CACNA1G: variants seen among roughly 807,000 people sequenced by gnomAD.
CACNA1G encodes calcium voltage-gated channel subunit alpha1 G, also known as voltage-dependent T-type calcium channel subunit alpha-1G.
In CACNA1G, 67 loss-of-function variants were observed where a neutral mutation model predicts 219.4. That is an observed-to-expected ratio of 0.31 (90% confidence interval 0.25 to 0.37). The LOEUF (loss-of-function observed/expected upper bound fraction) is 0.37. Among genes scored for constraint, CACNA1G ranks in the 10% least tolerant of loss-of-function variants. The pLI is 1.00. For missense variants in CACNA1G, 2,380 were observed against 3,231.4 expected (o/e 0.74, Z 6.39); for synonymous variants, 1,296 against 1,345.3 (o/e 0.96, Z 0.80).
chr17:50,572,092 C>G lies in CACNA1G; in HGVS notation c.746+55C>G, dbSNP rs572703011. 1.0e-5 allele frequency: 16 copies of G among 1,538,672 alleles called. No individual in the cohort carries two copies. The African/African-American group carries it at 1.6e-4, about 16-fold the overall frequency. On this transcript the variant is annotated intron_variant, in intron 5 of 37. Coordinates refer to ENST00000359106, the MANE Select transcript of CACNA1G (RefSeq NM_018896.5). ...CTGGGAGTGGTTATGGGGCTGGGCA[C>G]CCCCCCAAGTTCCTCACTTCCGGTT...
At chr17:50,565,038 G>T (rs1162722962) in intron 1 of CACNA1G, among the ~76,000 whole-genome samples, 1 of 104,402 alleles carries the variant, frequency 9.6e-6, no homozygotes, top group African/African-American at 4.0e-5. Context: ...CCCCACCCTC[G>T]CCTGCTCCCG....
rs755048222 is a variant in CACNA1G, at chr17:50,599,433, C to T, written c.3264C>T (p.Ser1088=). The change falls in exon 17 of 38, where the codon AGC becomes AGT. Residue 1088 remains serine, a synonymous_variant. Coordinates refer to ENST00000359106, the MANE Select transcript of CACNA1G (RefSeq NM_018896.5). The part of the protein sequence containing the change: ...GAAHEMKSPP[S]ARSSPHSPWS... ...CCTCCCCTGCTCACCCACAGCCCAG[C>T]GCCCGCAGCTCTCCGCACAGCCCCT... The T allele has an allele frequency of 2.3e-5, 35 of 1,543,186 alleles. No homozygotes were observed. Among genetic ancestry groups the T allele is most frequent in the Middle Eastern group, 2.3e-4 (1 of 4,406 alleles).
chr17:50,599,931 G>C, intron 17 of CACNA1G, 72 bp downstream of exon 17: 2 of 1,430,776 alleles, frequency 1.4e-6, no homozygotes, highest in Non-Finnish European at 1.9e-6. Flanking sequence ...TGGCCTGGCA[G>C]GGTATAAGGG....
chr17:50,608,109 G>C, intron 25 of CACNA1G, 90 bp downstream of exon 25: 12 of 1,226,544 alleles, frequency 9.8e-6, no homozygotes, highest in Non-Finnish European at 1.3e-5. Flanking sequence ...GGGGCTGGGC[G>C]CTGGGGCCGG....
chr17:50,583,332 G>A (rs1437128351), intron 9 of CACNA1G, among the ~76,000 whole-genome samples: 1 of 152,138 alleles, frequency 6.6e-6, no homozygotes, highest in African/African-American at 2.4e-5. Flanking sequence ...TGTCTGCTAA[G>A]GTGTTCTCTT....
rs1183907316 is a variant in CACNA1G at position 50,621,811 on chromosome 17, C to T, written c.6060+17C>T. On this transcript the variant is annotated intron_variant, in intron 35 of 37. Transcript: ENST00000359106. This position sits in a 1 kb window ranked among gnomAD's most constrained non-coding sequence, Gnocchi z 4.6. ...GAGAGCAATGTACATACACACTGCC[C>T]TCACTGCTCCCGGCCACCCCCGGGG... 3 of 1,612,716 alleles carry T rather than the reference C, an allele frequency of 1.9e-6. No individual in the cohort carries two copies. The highest frequency in any genetic ancestry group is 2.2e-5 in the South Asian group (2 of 91,064).
In CACNA1G at chr17:50,621,847, T is replaced by C; in HGVS notation, c.6060+53T>C. 6.2e-7 allele frequency: 1 copy of C among 1,603,596 alleles called. No individual in the cohort carries two copies. Among genetic ancestry groups the C allele is most frequent in the Non-Finnish European group, 8.5e-7 (1 of 1,175,796 alleles). On this transcript the variant is annotated intron_variant, in intron 35 of 37. Transcript: ENST00000359106. The surrounding 1 kb of genome is among the most constrained non-coding windows in gnomAD (Gnocchi z 4.6). ...CGGCCACCCCCGGGGCTGGACTGGC[T>C]GCAGGGCTCCAGATCGGCCCAGGGA...
chr17:50,607,043 C>T (rs562055281), intron 24 of CACNA1G, 54 bp downstream of exon 24: 3 of 1,363,426 alleles, frequency 2.2e-6, no homozygotes, highest in African/African-American at 2.9e-5. Flanking sequence ...TCAGCATGGG[C>T]TGATTCCAGG....
chr17:50,616,508 C>T lies in CACNA1G; in HGVS notation c.5021+124C>T. Reference sequence around the variant, plus strand: ...CTTAATTCCTGAGGTTCAGCCCCCACCCTGTGGCTGACGTAGGGGACTAGG... The same window carrying T: ...CTTAATTCCTGAGGTTCAGCCCCCATCCTGTGGCTGACGTAGGGGACTAGG... On this transcript the variant is annotated intron_variant, in intron 28 of 37. Coordinates refer to ENST00000359106, the MANE Select transcript of CACNA1G (RefSeq NM_018896.5). 5.1e-6 allele frequency: 3 copies of T among 593,574 alleles called. No individual in the cohort carries two copies. In the South Asian group the frequency reaches 6.9e-5, roughly 14 times the overall value. 36.8% of individuals were successfully genotyped at this position (593,574 alleles called of 1,614,324 possible).
At position 50,575,838 on chromosome 17, in the gene CACNA1G, G is replaced by T; in HGVS notation, c.1436G>T (p.Ser479Ile). ...CTCGGGGGCCAGGAGACCCAGCCCA[G>T]CAGCAGCTGCTCTCGCTCCCACCGC... ...APLGGQETQP[S>I]SSCSRSHRRL... The change falls in exon 8 of 38, where the codon AGC becomes ATC. Residue 479 changes from serine to isoleucine, a missense_variant. Physicochemically the swap from Ser to Ile is moderately radical, Grantham distance 142. Around this residue, in one of 17 missense-constraint regions of CACNA1G, gnomAD observed 434 missense variants for 417.3 expected, o/e 1.04. Coordinates refer to ENST00000359106, the MANE Select transcript of CACNA1G (RefSeq NM_018896.5). 1 of 1,549,924 alleles carries T rather than the reference G, an allele frequency of 6.5e-7. No individual in the cohort carries two copies.
intron 9 of CACNA1G, among the ~76,000 whole-genome samples, chr17:50,583,889 T>C (rs2042469568): frequency 6.6e-6 from 1 of 152,060 alleles, no homozygotes; most frequent in South Asian, 2.1e-4. Context: ...GCTATTTCTG[T>C]TGTTCAGATC....
In CACNA1G at chr17:50,627,439, A is replaced by ATC. The variant is rs1567816832; in HGVS notation, c.*689_*690insCT. 1.5e-4 allele frequency: 38 copies of ATC among 247,902 alleles called. No homozygotes were observed. Among genetic ancestry groups the ATC allele is most frequent in the East Asian group, 2.4e-4 (2 of 8,220 alleles). 15.4% of individuals were successfully genotyped at this position (247,902 alleles called of 1,614,324 possible). On this transcript the variant is annotated 3_prime_UTR_variant, in exon 38 of 38. Coordinates refer to ENST00000359106, the MANE Select transcript of CACNA1G (RefSeq NM_018896.5). ...CATACATATCTATCTATCTATCTAT[A>ATC]TATATATAAAATAAAGTAATTTTCC...
intron 24 of CACNA1G, 58 bp from the exon 25 acceptor site, chr17:50,607,769 C>T: frequency 6.7e-7 from 1 of 1,500,668 alleles, no homozygotes; most frequent in Non-Finnish European, 9.3e-7. Flanking sequence ...GTGGGCAGCT[C>T]CTAAGACAGC....
At position 50,561,536 on chromosome 17, in the gene CACNA1G, CG is replaced by C; in HGVS notation, c.82del (p.Ala28ProfsTer37). ...AGCTTCATGCGGCTCAACGACCTGT[CG>C]GGGGCCGGGGGCCGGCCGGGGCCGG... is the stretch of plus-strand genomic sequence containing the variant. The part of the protein sequence containing the change: ...PRSFMRLNDL[S>X]GAGGRPGPGS... On this transcript the variant is annotated frameshift_variant, in exon 1 of 38. Coordinates refer to ENST00000359106, the MANE Select transcript of CACNA1G (RefSeq NM_018896.5). LOFTEE classifies it high-confidence loss of function. The C allele has an allele frequency of 6.5e-7, 1 of 1,537,978 alleles. No homozygotes were observed.
intron 1 of CACNA1G, among the ~76,000 whole-genome samples, chr17:50,565,031 C>G (rs868734429): frequency 6.6e-6 from 1 of 152,012 alleles, no homozygotes; most frequent in Admixed American, 6.5e-5. Flanking sequence ...CAGCCCCCCC[C>G]ACCCTCGCCT....
Position 50,561,559 on chromosome 17 carries a change from C to CCGGGGT in CACNA1G, c.102_107dup (p.Gly35_Ser36dup), listed in dbSNP as rs1338639911. On this transcript the variant is annotated inframe_insertion, in exon 1 of 38. Transcript: ENST00000359106. ...GTCGGGGGCCGGGGGCCGGCCGGGG[C>CCGGGGT]CGGGGTCAGCAGAAAAGGACCCGGG... 1 of 1,544,886 alleles carries CCGGGGT rather than the reference C, an allele frequency of 6.5e-7. No individual in the cohort carries two copies. Among genetic ancestry groups the CCGGGGT allele is most frequent in the East Asian group, 2.4e-5 (1 of 41,064 alleles).
chr17:50,621,300 G>A lies in CACNA1G; in HGVS notation c.5926-360G>A, dbSNP rs942248783. 3.7e-4 allele frequency among the ~76,000 whole-genome samples: 56 copies of A among 151,152 alleles called. 1 individual carries two copies. The highest frequency in any genetic ancestry group is 2.1e-4 in the South Asian group (1 of 4,770). ...TTTTGGTATCATCTTTTTGAGAGTCGCAAGCCCTCGGTCCTCCCGCTCCCT... is the reference window on the plus strand; with the variant it reads ...TTTTGGTATCATCTTTTTGAGAGTCACAAGCCCTCGGTCCTCCCGCTCCCT... On this transcript the variant is annotated intron_variant, in intron 34 of 37. Transcript: ENST00000359106. The surrounding 1 kb of genome is among the most constrained non-coding windows in gnomAD (Gnocchi z 4.6).
intron 9 of CACNA1G, among the ~76,000 whole-genome samples, chr17:50,586,412 C>A (rs183361800): frequency 1.2e-4 from 18 of 152,314 alleles, no homozygotes; most frequent in African/African-American, 4.1e-4. Flanking sequence ...CTGCACACCC[C>A]TTCCCTTGCT....
chr17:50,614,913 T>A (rs1416204804), intron 26 of CACNA1G, among the ~76,000 whole-genome samples: 1 of 152,056 alleles, frequency 6.6e-6, no homozygotes, highest in Non-Finnish European at 1.5e-5. Context: ...TCTCCTCTGC[T>A]CCCCCGAGGG....
Sources: allele counts gnomAD v4.1 joint callset (sites outside exome capture counted in the v4.1 genomes callset), GRCh38; gene constraint gnomAD v4.1.1; regional missense constraint gnomAD v4.1.1; non-coding constraint Gnocchi (gnomAD v3.1); transcripts MANE v1.5; gene names NCBI Gene and HGNC (gene_info 2026-07-23, HGNC 2026-07-21).